Variants in DAAM1 observed in about 807,000 individuals in gnomAD.
DAAM1 encodes the protein dishevelled associated activator of morphogenesis 1.
Under a neutral mutation model 130.0 loss-of-function variants are expected in DAAM1, and 52 were observed. The observed-to-expected ratio is 0.40, with a 90% confidence interval of 0.32 to 0.50. The LOEUF (loss-of-function observed/expected upper bound fraction) is 0.50. DAAM1 is among the 20% of genes least tolerant of loss of function. DAAM1 has a pLI of 0.61. For missense variants in DAAM1, 1,134 were observed against 1,303.8 expected, an observed-to-expected ratio of 0.87 and a Z score of 2.01; for synonymous variants, 452 against 444.5, an observed-to-expected ratio of 1.02 and a Z score of -0.21.
At chr14:59,275,385 T>A (rs936340386) in intron 2 of DAAM1, among the ~76,000 whole-genome samples, 1 of 152,070 alleles carries the variant, frequency 6.6e-6, no homozygotes, top group Non-Finnish European at 1.5e-5. Context: ...AACCGTGTAA[T>A]ACAAGTTTAC....
chr14:59,258,514 T>C (rs1882012958), intron 1 of DAAM1, among the ~76,000 whole-genome samples: 1 of 152,156 alleles, frequency 6.6e-6, no homozygotes, highest in Non-Finnish European at 1.5e-5. Flanking sequence ...ATGAGAATGA[T>C]GAAATGAAGT....
chr14:59,283,267 T>C (rs927984503), intron 2 of DAAM1, among the ~76,000 whole-genome samples: 2 of 152,210 alleles, frequency 1.3e-5, no homozygotes, highest in African/African-American at 4.8e-5. Flanking sequence ...TGTTGAGAAG[T>C]GATTTATGTC....
chr14:59,320,617 T>G (rs1294988329), intron 5 of DAAM1, 33 bp downstream of exon 5: 4 of 1,500,486 alleles, frequency 2.7e-6, no homozygotes, highest in Non-Finnish European at 3.6e-6. Context: ...GTTTTTTTTT[T>G]TTCTCTCCTT....
intron 2 of DAAM1, among the ~76,000 whole-genome samples, chr14:59,268,677 C>G (rs961453252): frequency 6.6e-6 from 1 of 152,184 alleles, no homozygotes; most frequent in Non-Finnish European, 1.5e-5. Context: ...CAAATAAAAC[C>G]TAAGTTAAGA....
At chr14:59,245,049 A>G (rs1338479041) in intron 1 of DAAM1, among the ~76,000 whole-genome samples, 2 of 152,112 alleles carry the variant, frequency 1.3e-5, no homozygotes, top group East Asian at 3.9e-4. Flanking sequence ...GGGAAGGGAA[A>G]AGGACGGGGG....
In DAAM1 at chr14:59,331,198, T is replaced by C; in HGVS notation, c.1561-11T>C. On this transcript the variant is annotated splice_polypyrimidine_tract_variant and intron_variant, in intron 13 of 24. Coordinates refer to ENST00000360909, the MANE Select transcript of DAAM1 (RefSeq NM_001270520.2). ...CCATTGATCTTTCTTTTCCTATTTT[T>C]ATCTTTTCAGAGGGCCGTCTGTGCT... 2 of 1,611,258 alleles carry C rather than the reference T, an allele frequency of 1.2e-6. No homozygotes were observed. The highest frequency in any genetic ancestry group is 1.7e-6 in the Non-Finnish European group (2 of 1,179,480).
At chr14:59,245,389 T>A (rs1881325000) in intron 1 of DAAM1, among the ~76,000 whole-genome samples, 1 of 152,218 alleles carries the variant, frequency 6.6e-6, no homozygotes, top group African/African-American at 2.4e-5. Flanking sequence ...TATTGCTATT[T>A]CAGTAGCTTT....
Position 59,323,057 on chromosome 14 carries a change from TGA to T in DAAM1, c.610_611del (p.Ser204TyrfsTer2). ...GCCGGGCTCACGTCCTGGCTCATTC[TGA>T]GAGTATTAATGTAATTGCTCAGAGT... ...QGRAHVLAHS[E>X]SINVIAQSLS... On this transcript the variant is annotated frameshift_variant, in exon 6 of 25. Transcript: ENST00000360909. LOFTEE classifies it high-confidence loss of function. 6.2e-7 allele frequency: 1 copy of T among 1,614,032 alleles called. No homozygotes were observed. The highest frequency in any genetic ancestry group is 8.5e-7 in the Non-Finnish European group (1 of 1,179,970).
intron 1 of DAAM1, among the ~76,000 whole-genome samples, chr14:59,235,838 A>G (rs978151585): frequency 2.6e-5 from 4 of 151,934 alleles, no homozygotes; most frequent in African/African-American, 9.7e-5. Context: ...TGGTATGTGA[A>G]TATATTGCAT....
intron 1 of DAAM1, among the ~76,000 whole-genome samples, chr14:59,195,213 A>T (rs996445910): frequency 6.4e-5 from 9 of 140,640 alleles, no homozygotes; most frequent in Non-Finnish European, 3.0e-5. Context: ...GTGCGATCTC[A>T]GCTCACTGCA....
intron 1 of DAAM1, among the ~76,000 whole-genome samples, chr14:59,207,543 TATTTC>T (rs1463428341): frequency 6.6e-6 from 1 of 152,248 alleles, no homozygotes; most frequent in African/African-American, 2.4e-5. Context: ...TAATGAAACC[TATTTC>T]ATGTTATGTG....
At chr14:59,271,172 C>T (rs1249393614) in intron 2 of DAAM1, among the ~76,000 whole-genome samples, 3 of 151,830 alleles carry the variant, frequency 2.0e-5, no homozygotes, top group Admixed American at 1.3e-4. Context: ...TTTATTAGGC[C>T]AGTGGGTCTA....
chr14:59,269,346 A>G (rs1351826536), intron 2 of DAAM1, among the ~76,000 whole-genome samples: 1 of 152,232 alleles, frequency 6.6e-6, no homozygotes, highest in Non-Finnish European at 1.5e-5. Flanking sequence ...TGCACAGCTC[A>G]GTACCTCTCT....
At chr14:59,310,325 G>A (rs988277555) in intron 3 of DAAM1, among the ~76,000 whole-genome samples, 2 of 151,792 alleles carry the variant, frequency 1.3e-5, no homozygotes, top group African/African-American at 2.4e-5. Context: ...TAGAGATGGG[G>A]TTTCACCATA....
At chr14:59,216,395 G>A (rs1289402745) in intron 1 of DAAM1, among the ~76,000 whole-genome samples, 1 of 152,098 alleles carries the variant, frequency 6.6e-6, no homozygotes, top group Non-Finnish European at 1.5e-5. Context: ...ATTTCATAGA[G>A]TAGGCAAAAA....
intron 2 of DAAM1, among the ~76,000 whole-genome samples, chr14:59,285,881 A>G (rs939877597): frequency 6.6e-6 from 1 of 152,152 alleles, no homozygotes; most frequent in Non-Finnish European, 1.5e-5. Flanking sequence ...GAAAACTAAC[A>G]GAGATATTCT....
intron 1 of DAAM1, among the ~76,000 whole-genome samples, chr14:59,205,222 T>C (rs1888224405): frequency 6.6e-6 from 1 of 152,236 alleles, no homozygotes; most frequent in Non-Finnish European, 1.5e-5. Flanking sequence ...TTATACTATC[T>C]GGTCACTAGA....
chr14:59,308,215 G>A (rs2139594584), intron 3 of DAAM1, among the ~76,000 whole-genome samples: 1 of 152,274 alleles, frequency 6.6e-6, no homozygotes, highest in Middle Eastern at 3.4e-3. Flanking sequence ...AGTTATGTTT[G>A]TTAAAGTTAT....
At chr14:59,298,816 T>C (rs568483932) in intron 3 of DAAM1, among the ~76,000 whole-genome samples, 1 of 152,210 alleles carries the variant, frequency 6.6e-6, no homozygotes, top group Non-Finnish European at 1.5e-5. Flanking sequence ...TCCTGTCAGC[T>C]TTACCACTTG....
Sources: gnomAD v4.1 joint callset for allele counts (sites outside exome capture counted in the v4.1 genomes callset) on GRCh38, gnomAD v4.1.1 for gene constraint, MANE v1.5 for transcripts, NCBI Gene and HGNC (gene_info 2026-07-23, HGNC 2026-07-21) for gene names.